SYK: variants seen among roughly 807,000 people sequenced by gnomAD.
The protein encoded by SYK is spleen associated tyrosine kinase.
Under a neutral mutation model 77.8 loss-of-function variants are expected in SYK, and 16 were observed. The ratio of observed to expected loss-of-function variants is 0.21; its 90% CI spans 0.14 to 0.31. The LOEUF (loss-of-function observed/expected upper bound fraction) is 0.31. Among genes scored for constraint, SYK ranks in the 10% least tolerant of loss-of-function variants. The probability of loss-of-function intolerance (pLI) is 1.00; values close to 1 mark genes in which losing one functional copy is unlikely to be tolerated. For missense variants in SYK, 529 were observed against 814.4 expected (o/e 0.65, Z 4.26); for synonymous variants, 312 against 308.7 (o/e 1.01, Z -0.11).
intron 1 of SYK, among the ~76,000 whole-genome samples, chr9:90,808,147 T>C (rs1019735600): frequency 8.5e-5 from 13 of 152,128 alleles, no homozygotes; most frequent in African/African-American, 3.1e-4. Flanking sequence ...CCATTTGCAC[T>C]GTGTTTTCAT....
At chr9:90,825,119 C>CAAAAAAAAAA (rs148061358) in intron 1 of SYK, among the ~76,000 whole-genome samples, 9 of 93,336 alleles carry the variant, frequency 9.6e-5, no homozygotes, top group East Asian at 7.1e-4. Flanking sequence ...ACCAAAAAGA[C>CAAAAAAAAAA]AAAAAAAAAA....
chr9:90,836,900 G>A (rs547901142), intron 1 of SYK, among the ~76,000 whole-genome samples: 3 of 152,260 alleles, frequency 2.0e-5, no homozygotes, highest in South Asian at 2.1e-4. Context: ...GAGTCATCTT[G>A]TAAACAGATG....
chr9:90,880,307 G>A (rs1828100444), intron 11 of SYK, among the ~76,000 whole-genome samples: 1 of 152,184 alleles, frequency 6.6e-6, no homozygotes, highest in South Asian at 2.1e-4. Flanking sequence ...AGGCAGGCAG[G>A]CAGACTCCAC....
At chr9:90,831,443 A>G (rs892910652) in intron 1 of SYK, among the ~76,000 whole-genome samples, 13 of 152,254 alleles carry the variant, frequency 8.5e-5, no homozygotes, top group African/African-American at 2.9e-4. Context: ...ACACAGATTT[A>G]TGAGATAGGA....
At chr9:90,818,139 T>C (rs1358909510) in intron 1 of SYK, among the ~76,000 whole-genome samples, 1 of 152,212 alleles carries the variant, frequency 6.6e-6, no homozygotes, top group Non-Finnish European at 1.5e-5. Context: ...TGGCATGTTA[T>C]TGCTCAGGAT....
intron 11 of SYK, among the ~76,000 whole-genome samples, chr9:90,886,961 T>G (rs1412334392): frequency 6.6e-6 from 1 of 152,222 alleles, no homozygotes; most frequent in East Asian, 1.9e-4. Flanking sequence ...CACTGGTTAC[T>G]TAGGGTACAC....
intron 1 of SYK, among the ~76,000 whole-genome samples, chr9:90,830,865 G>A (rs1023660806): frequency 3.3e-5 from 5 of 152,100 alleles, no homozygotes; most frequent in African/African-American, 9.7e-5. Flanking sequence ...GATTACAAGC[G>A]TGAGCCACCA....
intron 1 of SYK, among the ~76,000 whole-genome samples, chr9:90,838,765 C>T (rs1191404841): frequency 1.3e-5 from 2 of 152,220 alleles, no homozygotes; most frequent in Non-Finnish European, 2.9e-5. Flanking sequence ...AAGTTCTAAA[C>T]ACTATTTGGA....
intron 3 of SYK, among the ~76,000 whole-genome samples, chr9:90,859,522 G>T (rs1390836087): frequency 6.6e-6 from 1 of 152,188 alleles, no homozygotes; most frequent in Admixed American, 6.5e-5. Flanking sequence ...GGTCACTTAC[G>T]TTGTGTGCAG....
At chr9:90,813,357 G>A (rs921356959) in intron 1 of SYK, among the ~76,000 whole-genome samples, 1 of 152,090 alleles carries the variant, frequency 6.6e-6, no homozygotes, top group Non-Finnish European at 1.5e-5. Context: ...GCCCAGAAGG[G>A]CCCCTGGACT....
chr9:90,838,645 G>C (rs1186066743), intron 1 of SYK, among the ~76,000 whole-genome samples: 1 of 152,218 alleles, frequency 6.6e-6, no homozygotes, highest in East Asian at 1.9e-4. Context: ...GTGGAGTTAA[G>C]GAGGAGCTAA....
intron 7 of SYK, among the ~76,000 whole-genome samples, chr9:90,873,110 C>T (rs895432642): frequency 1.1e-4 from 16 of 152,118 alleles, no homozygotes; most frequent in Admixed American, 3.9e-4. Flanking sequence ...GGCTGAGTGG[C>T]GGTAGTGGTG....
chr9:90,812,870 T>C (rs1403158331), intron 1 of SYK, among the ~76,000 whole-genome samples: 2 of 152,022 alleles, frequency 1.3e-5, no homozygotes, highest in African/African-American at 4.8e-5. Context: ...GGTTTGCCAC[T>C]CTGCAGAACT....
At chr9:90,850,054 G>A (rs73650269) in intron 3 of SYK, among the ~76,000 whole-genome samples, 201 of 152,288 alleles carry the variant, frequency 1.3e-3, no homozygotes, top group African/African-American at 4.6e-3. Flanking sequence ...TCATTCTTCT[G>A]CAGGTGAGAA....
intron 3 of SYK, among the ~76,000 whole-genome samples, chr9:90,860,624 G>A (rs1337922288): frequency 1.3e-5 from 2 of 152,156 alleles, no homozygotes; most frequent in African/African-American, 4.8e-5. Context: ...ACCTAGATAT[G>A]TGTCCTGTAC....
chr9:90,820,335 T>C (rs1411114241), intron 1 of SYK, among the ~76,000 whole-genome samples: 1 of 152,242 alleles, frequency 6.6e-6, no homozygotes, highest in African/African-American at 2.4e-5. Flanking sequence ...ATTTCCCTTC[T>C]GTGCTGTCCT....
chr9:90,845,492 C>T lies in SYK; in HGVS notation c.476C>T (p.Ala159Val), dbSNP rs753399645. ...SQKPQLEKLI[A>V]TTAHEKMPWF... is the part of the protein sequence containing the mutation. ...AAGCCTCAGCTGGAGAAGCTGATCG[C>T]TACCACAGCCCATGAAAAAATGCCT... is the stretch of plus-strand genomic sequence containing the variant. The change falls in exon 3 of 14, where the codon GCT (alanine) becomes GTT (valine). Residue 159 changes from alanine (A) to valine (V), a missense_variant. Physicochemically the swap from Ala to Val is moderately conservative, Grantham distance 64. Around this residue, in one of 2 missense-constraint regions of SYK, gnomAD observed 321 missense variants for 433.1 expected, o/e 0.74. Transcript: ENST00000375754. 8 of 1,614,234 alleles carry T rather than the reference C, an allele frequency of 5.0e-6. No individual in the cohort carries two copies. In the East Asian group the frequency reaches 1.8e-4, roughly 36 times the overall value.
chr9:90,823,890 T>C (rs550293225), intron 1 of SYK, among the ~76,000 whole-genome samples: 4 of 150,830 alleles, frequency 2.7e-5, no homozygotes, highest in African/African-American at 9.7e-5. Context: ...AAGAAATAAT[T>C]AAAATGAAAG....
chr9:90,853,998 C>T lies in SYK; in HGVS notation c.579-8208C>T, dbSNP rs1454519032. 6.6e-5 allele frequency among the ~76,000 whole-genome samples: 10 copies of T among 152,066 alleles called. No homozygotes were observed. The South Asian group carries it at 8.3e-4, about 13-fold the overall frequency. ...CTGCAGGAGAGGGAGGGAAGTGAAG[C>T]GGTGGATGCCGAGTGGGTGTGCAGG... On this transcript the variant is annotated intron_variant, in intron 3 of 13. Coordinates refer to ENST00000375754, the MANE Select transcript of SYK (RefSeq NM_003177.7).
Sources: allele counts gnomAD v4.1 joint callset (sites outside exome capture counted in the v4.1 genomes callset), GRCh38; gene constraint gnomAD v4.1.1; regional missense constraint gnomAD v4.1.1; transcripts MANE v1.5; gene names NCBI Gene and HGNC (gene_info 2026-07-23, HGNC 2026-07-21).